Variants in ASCC3 observed in about 807,000 individuals in gnomAD.
The protein encoded by ASCC3 is activating signal cointegrator 1 complex subunit 3.
In ASCC3, 158 loss-of-function variants were observed where a neutral mutation model predicts 256.3. The ratio of observed to expected loss-of-function variants is 0.62; its 90% CI spans 0.54 to 0.70. ASCC3 has a LOEUF of 0.70. Among genes scored for constraint, ASCC3 ranks in the 30% least tolerant of loss-of-function variants. ASCC3 has a pLI of 0.00. For synonymous variants in ASCC3, 948 were observed against 883.4 expected (o/e 1.07, Z -1.30); for missense variants, 2,259 against 2,626.0 (o/e 0.86, Z 3.05).
At chr6:100,872,473 G>GC (rs1554251086) in intron 1 of ASCC3, among the ~76,000 whole-genome samples, 1 of 124,218 alleles carries the variant, frequency 8.1e-6, no homozygotes, top group Non-Finnish European at 1.7e-5. Flanking sequence ...AAGGGTCGGG[G>GC]GGGGATCATG....
At chr6:100,612,104 T>C (rs565183473) in intron 30 of ASCC3, among the ~76,000 whole-genome samples, 2 of 152,176 alleles carry the variant, frequency 1.3e-5, no homozygotes, top group African/African-American at 4.8e-5. Context: ...AGGAGGCACA[T>C]ATGTAAACTG....
At chr6:100,796,437 T>C (rs1769618329) in intron 8 of ASCC3, among the ~76,000 whole-genome samples, 1 of 152,156 alleles carries the variant, frequency 6.6e-6, no homozygotes, top group South Asian at 2.1e-4. Context: ...AACTATGCCC[T>C]TCAACATTTG....
At position 100,721,655 on chromosome 6, in the gene ASCC3, T is replaced by C. The variant is rs867236322; in HGVS notation, c.1903-3404A>G. ...AAATCAGCTTTGAAAATTTCAACCC[T>C]GTGTGTTTTCTGTATGTGTGTGCAT... On this transcript the variant is annotated intron_variant, in intron 11 of 41. Transcript: ENST00000369162. Among the ~76,000 whole-genome samples, 6 of 151,778 alleles carry C rather than the reference T, an allele frequency of 4.0e-5. No individual in the cohort carries two copies. In the East Asian group the frequency reaches 1.2e-3, roughly 29 times the overall value.
intron 30 of ASCC3, among the ~76,000 whole-genome samples, chr6:100,622,325 A>AC (rs1773995516): frequency 1.3e-5 from 2 of 152,158 alleles, no homozygotes; most frequent in Admixed American, 1.3e-4. Flanking sequence ...TGCTGTTGTC[A>AC]TGATAGAGAG....
intron 10 of ASCC3, among the ~76,000 whole-genome samples, chr6:100,729,872 CAT>C (rs1448503792): frequency 1.3e-5 from 2 of 152,088 alleles, no homozygotes; most frequent in Non-Finnish European, 2.9e-5. Context: ...TGTGTAATCA[CAT>C]ATGTGACTTT....
At chr6:100,741,467 G>A (rs944816561) in intron 10 of ASCC3, among the ~76,000 whole-genome samples, 1 of 152,184 alleles carries the variant, frequency 6.6e-6, no homozygotes, top group Non-Finnish European at 1.5e-5. Flanking sequence ...ATGATATCCT[G>A]AAGTATGTTT....
chr6:100,663,023 C>G (rs1452236215), intron 14 of ASCC3, among the ~76,000 whole-genome samples: 1 of 152,036 alleles, frequency 6.6e-6, no homozygotes, highest in South Asian at 2.1e-4. Flanking sequence ...GCTTCAGAGC[C>G]TTTACACTTT....
chr6:100,531,738 T>C (rs1582398876), intron 37 of ASCC3, among the ~76,000 whole-genome samples: 1 of 152,126 alleles, frequency 6.6e-6, no homozygotes, highest in African/African-American at 2.4e-5. Flanking sequence ...ACAGAACTAG[T>C]CTGCGCTTAC....
chr6:100,698,670 A>G (rs1778201998), intron 13 of ASCC3, among the ~76,000 whole-genome samples: 4 of 152,184 alleles, frequency 2.6e-5, no homozygotes, highest in Admixed American at 2.6e-4. Context: ...GAGCAAATTT[A>G]CATAAAAAAT....
chr6:100,543,596 A>C (rs1045429136), intron 36 of ASCC3, among the ~76,000 whole-genome samples: 24 of 152,140 alleles, frequency 1.6e-4, no homozygotes, highest in Non-Finnish European at 2.5e-4. Context: ...CAGAGCAAAG[A>C]TTATCATCAT....
intron 37 of ASCC3, among the ~76,000 whole-genome samples, chr6:100,532,406 A>ATAT (rs1347157842): frequency 1.7e-4 from 8 of 48,478 alleles, no homozygotes; most frequent in East Asian, 1.3e-3. Context: ...ATATATATAT[A>ATAT]TTTTTTTTTT....
At chr6:100,614,285 A>G (rs1471548263) in intron 30 of ASCC3, among the ~76,000 whole-genome samples, 3 of 152,188 alleles carry the variant, frequency 2.0e-5, no homozygotes, top group Non-Finnish European at 4.4e-5. Flanking sequence ...CGTAATTATG[A>G]TATTAACATG....
At chr6:100,603,596 T>A (rs142617027) in intron 33 of ASCC3, among the ~76,000 whole-genome samples, 1 of 152,230 alleles carries the variant, frequency 6.6e-6, no homozygotes, top group East Asian at 1.9e-4. Flanking sequence ...TTTGTAGATA[T>A]TCTTTATCAG....
rs140013201 is a variant in ASCC3, at chr6:100,813,191, C to A, written c.802-7311G>T. Among the ~76,000 whole-genome samples the A allele has an allele frequency of 0.013, 1,935 of 152,266 alleles. 100 individuals are homozygous for A. In the East Asian group the frequency reaches 0.15, roughly 12 times the overall value. ...CAAGTATGGGCCAGGTGCGGTGGCT[C>A]ATGCCTGTAATCCCAGCACTTTGGG... On this transcript the variant is annotated intron_variant, in intron 4 of 41. Coordinates refer to ENST00000369162, the MANE Select transcript of ASCC3 (RefSeq NM_006828.4).
At chr6:100,738,568 A>C (rs889027018) in intron 10 of ASCC3, among the ~76,000 whole-genome samples, 1 of 152,010 alleles carries the variant, frequency 6.6e-6, no homozygotes, top group East Asian at 1.9e-4. Context: ...CTGTTCCACT[A>C]TTCTATGTCT....
intron 4 of ASCC3, among the ~76,000 whole-genome samples, chr6:100,828,749 C>T (rs1771461649): frequency 6.6e-6 from 1 of 152,090 alleles, no homozygotes; most frequent in Admixed American, 6.5e-5. Flanking sequence ...GTGAGTGTTA[C>T]AGCTCATAAA....
chr6:100,722,854 T>C (rs2115033725), intron 11 of ASCC3, among the ~76,000 whole-genome samples: 1 of 151,958 alleles, frequency 6.6e-6, no homozygotes, highest in East Asian at 1.9e-4. Flanking sequence ...CTCACTTTTT[T>C]TAAAGGCTGC....
chr6:100,579,798 C>A (rs954614813), intron 36 of ASCC3, among the ~76,000 whole-genome samples: 3 of 152,042 alleles, frequency 2.0e-5, no homozygotes, highest in Non-Finnish European at 2.9e-5. Flanking sequence ...TTAGGATTGC[C>A]TTGGCTATTC....
chr6:100,805,807 T>C lies in ASCC3; in HGVS notation c.875A>G (p.Asp292Gly), dbSNP rs771847414. 17 of 1,611,294 alleles carry C rather than the reference T, an allele frequency of 1.1e-5. No individual in the cohort carries two copies. The East Asian group carries it at 2.7e-4, about 25-fold the overall frequency. Residue 292 changes from aspartate (D) to glycine (G), a missense_variant, in exon 5 of 42, where the codon GAT (aspartate) becomes GGT (glycine). Asp to Gly is a moderately conservative substitution (Grantham distance 94). Coordinates refer to ENST00000369162, the MANE Select transcript of ASCC3 (RefSeq NM_006828.4). Reference protein sequence around the residue: ...KLLQNRITIVDRFLNSSNDHR... With the variant: ...KLLQNRITIVGRFLNSSNDHR... ...ATCATTTGAAGAATTAAGAAATCTA[T>C]CCACAATTGTAATTCTGTTCTGGAG...
Sources: allele counts gnomAD v4.1 joint callset (sites outside exome capture counted in the v4.1 genomes callset), GRCh38; gene constraint gnomAD v4.1.1; transcripts MANE v1.5; gene names NCBI Gene and HGNC (gene_info 2026-07-23, HGNC 2026-07-21).